ARSK: variants seen among roughly 807,000 people sequenced by gnomAD.
ARSK encodes the protein arylsulfatase K.
A neutral mutation model predicts 53.2 loss-of-function variants in ARSK; 37 were observed. The observed-to-expected ratio is 0.70, with a 90% confidence interval of 0.54 to 0.92. The LOEUF (loss-of-function observed/expected upper bound fraction) is 0.92, where lower values mean the gene tolerates loss of function less well. ARSK is among the 40% of genes least tolerant of loss of function. The pLI is 0.00. For missense variants in ARSK, 613 were observed against 643.0 expected (o/e 0.95, Z 0.51); for synonymous variants, 208 against 223.2 (o/e 0.93, Z 0.61).
intron 3 of ARSK, among the ~76,000 whole-genome samples, chr5:95,580,596 G>A (rs1024349172): frequency 7.9e-5 from 12 of 152,122 alleles, no homozygotes; most frequent in African/African-American, 2.7e-4. Flanking sequence ...AGCTTGGGCC[G>A]GAAAGAGGGA....
At chr5:95,562,874 A>G (rs1328579320) in intron 1 of ARSK, among the ~76,000 whole-genome samples, 1 of 152,272 alleles carries the variant, frequency 6.6e-6, no homozygotes, top group Non-Finnish European at 1.5e-5. Context: ...AAGTTATAAC[A>G]AAAGCCATTT....
intron 2 of ARSK, among the ~76,000 whole-genome samples, chr5:95,567,160 G>A (rs560884450): frequency 6.6e-6 from 1 of 152,210 alleles, no homozygotes; most frequent in South Asian, 2.1e-4. Flanking sequence ...TGAGAAAGTG[G>A]CCAATGAACC....
chr5:95,555,162 A>T lies in ARSK; in HGVS notation c.-117A>T. On this transcript the variant is annotated 5_prime_UTR_variant, in exon 1 of 8. It adds an upstream start codon to the 5' untranslated region. Transcript: ENST00000380009. This position sits in a 1 kb window ranked among gnomAD's most constrained non-coding sequence, Gnocchi z 4.0. ...CGGGTGAAGCTCGGCGTTACTATCA[A>T]GCAACCAAACTGCAAGCTTTGGGAG... The T allele has an allele frequency of 1.0e-6, 1 of 975,578 alleles. No homozygotes were observed. The highest frequency in any genetic ancestry group is 1.5e-6 in the Non-Finnish European group (1 of 677,360). 60.4% of individuals were successfully genotyped at this position (975,578 alleles called of 1,614,324 possible).
intron 1 of ARSK, among the ~76,000 whole-genome samples, chr5:95,557,585 A>G (rs1232557475): frequency 1.3e-5 from 2 of 152,238 alleles, no homozygotes; most frequent in African/African-American, 4.8e-5. Context: ...TTTTAGGTAT[A>G]TTCAACTATA....
At chr5:95,582,860 T>G in intron 3 of ARSK, 56 bp from the exon 4 acceptor site, 9 of 1,472,490 alleles carry the variant, frequency 6.1e-6, no homozygotes, top group Non-Finnish European at 8.2e-6. Context: ...ATGCTTAGTA[T>G]GTTTTTAAAA....
At chr5:95,578,152 G>A (rs1293751332) in intron 3 of ARSK, among the ~76,000 whole-genome samples, 2 of 151,846 alleles carry the variant, frequency 1.3e-5, no homozygotes, top group African/African-American at 4.8e-5. Flanking sequence ...TCAAATTTGA[G>A]AGAAGAATTT....
chr5:95,579,139 T>C (rs1748978300), intron 3 of ARSK, among the ~76,000 whole-genome samples: 1 of 152,212 alleles, frequency 6.6e-6, no homozygotes, highest in Admixed American at 6.5e-5. Context: ...GATTAAAATT[T>C]GAGGATTTCT....
At chr5:95,572,500 C>T (rs1748849642) in intron 3 of ARSK, among the ~76,000 whole-genome samples, 1 of 152,186 alleles carries the variant, frequency 6.6e-6, no homozygotes, top group African/African-American at 2.4e-5. Flanking sequence ...ACATTTGGGC[C>T]GGGCGCGGTG....
In ARSK at chr5:95,591,316, T is replaced by C. The variant is rs186799454; in HGVS notation, c.872-85T>C. 5,390 of 1,123,216 alleles carry C rather than the reference T, an allele frequency of 4.8e-3. 38 individuals carry two copies. The highest frequency in any genetic ancestry group is 7.4e-3 in the South Asian group (550 of 73,906). The allele number at this position is 1,123,216 out of a possible 1,614,324, so 69.6% of individuals were successfully genotyped here. A position where few individuals can be genotyped will look rare whatever the true frequency, so the allele number is the denominator to read the frequency against. On this transcript the variant is annotated intron_variant, in intron 5 of 7. Coordinates refer to ENST00000380009, the MANE Select transcript of ARSK (RefSeq NM_198150.3). ...TAAGAAGCATAGTGACAAACTCTTATAGGGTAGAGTGGTTATAAACTTAAT... is the reference window on the plus strand; with the variant it reads ...TAAGAAGCATAGTGACAAACTCTTACAGGGTAGAGTGGTTATAAACTTAAT...
Position 95,555,636 on chromosome 5 carries a change from C to T in ARSK, c.126+232C>T, listed in dbSNP as rs1055542260. Among the ~76,000 whole-genome samples, 11 of 133,412 alleles carry T rather than the reference C, an allele frequency of 8.2e-5. 1 individual carries two copies. The highest frequency in any genetic ancestry group is 4.2e-3 in the Middle Eastern group (1 of 240). The allele number at this position is 133,412 out of a possible 152,430, so 87.5% of individuals were successfully genotyped here. On this transcript the variant is annotated intron_variant, in intron 1 of 7. Transcript: ENST00000380009. This position sits in a 1 kb window ranked among gnomAD's most constrained non-coding sequence, Gnocchi z 4.0. Reference sequence around the variant, plus strand: ...AAACACTGAAAACATCTTTGCAGATCTTTTTTTTTTAATACTGACCTCGAT... The same window carrying T: ...AAACACTGAAAACATCTTTGCAGATTTTTTTTTTTTAATACTGACCTCGAT...
intron 2 of ARSK, among the ~76,000 whole-genome samples, chr5:95,566,758 G>T (rs1748732776): frequency 6.6e-6 from 1 of 152,060 alleles, no homozygotes; most frequent in South Asian, 2.1e-4. Context: ...TTGTCTGATG[G>T]TTGTTTTCCT....
intron 6 of ARSK, among the ~76,000 whole-genome samples, chr5:95,597,378 TG>T (rs1280922621): frequency 6.6e-6 from 1 of 152,178 alleles, no homozygotes; most frequent in East Asian, 1.9e-4. Context: ...AGTGGAAGCC[TG>T]GGGGTTGGCA....
chr5:95,556,211 C>G, intron 1 of ARSK: 2 of 702,196 alleles, frequency 2.8e-6, no homozygotes, highest in Non-Finnish European at 5.2e-6. Context: ...CTCGTAGATT[C>G]CTGATGATTA....
rs1346250974 is a variant in ARSK, at chr5:95,594,264, A to G, written c.1096+2639A>G. ...ACAAAAACCTTATGCTGGAGCCAGG[A>G]GACAACATTGTAACACAATTATTTA... is the stretch of plus-strand genomic sequence containing the variant. On this transcript the variant is annotated intron_variant, in intron 6 of 7. Coordinates refer to ENST00000380009, the MANE Select transcript of ARSK (RefSeq NM_198150.3). Among the ~76,000 whole-genome samples the G allele has an allele frequency of 3.9e-5, 6 of 152,348 alleles. No individual in the cohort carries two copies. The East Asian group carries it at 1.2e-3, about 29-fold the overall frequency.
rs112011136 is a variant in ARSK at position 95,555,587 on chromosome 5, A to G, written c.126+183A>G. On this transcript the variant is annotated intron_variant, in intron 1 of 7. Transcript: ENST00000380009. The surrounding 1 kb of genome is among the most constrained non-coding windows in gnomAD (Gnocchi z 4.0). Reference sequence around the variant, plus strand: ...GTACTCACACGTACACCACATACCTATGCAAACATGTAAAACAATAGTGAA... The same window carrying G: ...GTACTCACACGTACACCACATACCTGTGCAAACATGTAAAACAATAGTGAA... 1.6e-3 allele frequency among the ~76,000 whole-genome samples: 241 copies of G among 152,282 alleles called. 3 individuals carry two copies. The highest frequency in any genetic ancestry group is 5.7e-3 in the African/African-American group (235 of 41,548).
rs1435392565 is a variant in ARSK at position 95,564,383 on chromosome 5, AC to A, written c.127-1614del. On this transcript the variant is annotated intron_variant, in intron 1 of 7. Coordinates refer to ENST00000380009, the MANE Select transcript of ARSK (RefSeq NM_198150.3). ...TTGCTAGAAGTGGTAATTTATTTTG[AC>A]ATAAGACATGCATAATTTTCCCCAT... is the stretch of plus-strand genomic sequence containing the variant. 2.0e-5 allele frequency among the ~76,000 whole-genome samples: 3 copies of A among 152,118 alleles called. No individual in the cohort carries two copies. In the East Asian group the frequency reaches 5.8e-4, roughly 29 times the overall value.
At chr5:95,582,783 A>G (rs758798651) in intron 3 of ARSK, 133 bp from the exon 4 acceptor site, 1 of 844,546 alleles carries the variant, frequency 1.2e-6, no homozygotes, top group Non-Finnish European at 1.7e-6. Context: ...TTGAGATCTA[A>G]TATAGTTATT....
In ARSK at chr5:95,555,156, C is replaced by A; in HGVS notation, c.-123C>A. On this transcript the variant is annotated 5_prime_UTR_variant, in exon 1 of 8. Transcript: ENST00000380009. This position sits in a 1 kb window ranked among gnomAD's most constrained non-coding sequence, Gnocchi z 4.0. Reference sequence around the variant, plus strand: ...GTTCTGCGGGTGAAGCTCGGCGTTACTATCAAGCAACCAAACTGCAAGCTT... The same window carrying A: ...GTTCTGCGGGTGAAGCTCGGCGTTAATATCAAGCAACCAAACTGCAAGCTT... The A allele has an allele frequency of 1.1e-6, 1 of 873,654 alleles. No homozygotes were observed. Among genetic ancestry groups the A allele is most frequent in the Non-Finnish European group, 1.7e-6 (1 of 587,662 alleles). The allele number at this position is 873,654 out of a possible 1,614,324, so 54.1% of individuals were successfully genotyped here.
At chr5:95,556,197 C>CT (rs1176465217) in intron 1 of ARSK, 1 of 702,094 alleles carries the variant, frequency 1.4e-6, no homozygotes, top group Non-Finnish European at 2.6e-6. Flanking sequence ...GTTGTATTTC[C>CT]TTTCTCGTAG....
Sources: allele counts gnomAD v4.1 joint callset (sites outside exome capture counted in the v4.1 genomes callset), GRCh38; gene constraint gnomAD v4.1.1; non-coding constraint Gnocchi (gnomAD v3.1); transcripts MANE v1.5; gene names NCBI Gene and HGNC (gene_info 2026-07-23, HGNC 2026-07-21).